The following LONRF1 variants were observed in gnomAD, a reference collection of about 807,000 sequenced individuals.
LONRF1 encodes the protein LON peptidase N-terminal domain and RING finger protein 1.
Under a neutral mutation model 85.8 loss-of-function variants are expected in LONRF1, and 37 were observed. The observed-to-expected ratio is 0.43, with a 90% confidence interval of 0.33 to 0.57. The LOEUF is 0.57. LONRF1 is among the 20% of genes least tolerant of loss of function. LONRF1 has a pLI of 0.04. For missense variants in LONRF1, 1,036 were observed against 978.0 expected (o/e 1.06, Z -0.79); for synonymous variants, 517 against 390.1 (o/e 1.33, Z -3.83).
chr8:12,740,521 C>A (rs1798890301), intron 3 of LONRF1, among the ~76,000 whole-genome samples: 1 of 152,042 alleles, frequency 6.6e-6, no homozygotes, highest in Non-Finnish European at 1.5e-5. Context: ...GCGGAGTAAG[C>A]AAAGGTTAGA....
chr8:12,740,819 A>G, intron 3 of LONRF1, 55 bp downstream of exon 3: 1 of 1,554,312 alleles, frequency 6.4e-7, no homozygotes, highest in South Asian at 1.2e-5. Flanking sequence ...TTTTTTTTTA[A>G]ACCTGTCTGC....
At chr8:12,745,081 C>T (rs1799092111) in intron 1 of LONRF1, among the ~76,000 whole-genome samples, 1 of 151,734 alleles carries the variant, frequency 6.6e-6, no homozygotes, top group East Asian at 1.9e-4. Flanking sequence ...AATGTATCCA[C>T]TCTGACCAAA....
At chr8:12,741,055 T>C in intron 2 of LONRF1, 59 bp from the exon 3 acceptor site, 10 of 1,584,686 alleles carry the variant, frequency 6.3e-6, no homozygotes, top group Admixed American at 5.2e-5. Context: ...TAAAAAATCA[T>C]TATCAAGTAA....
chr8:12,742,923 A>C (rs1188493147), intron 2 of LONRF1, among the ~76,000 whole-genome samples: 1 of 152,114 alleles, frequency 6.6e-6, no homozygotes, highest in Non-Finnish European at 1.5e-5. Context: ...ATGGGGTTTC[A>C]ACATGTTGCC....
intron 1 of LONRF1, chr8:12,754,192 G>A (rs2128791625): frequency 6.6e-6 from 1 of 152,568 alleles, no homozygotes; most frequent in Non-Finnish European, 1.5e-5. Context: ...TTGTCCCGGT[G>A]ACTTTTGTGG....
chr8:12,735,226 G>C (rs756543046), intron 7 of LONRF1, 60 bp downstream of exon 7: 27 of 1,106,046 alleles, frequency 2.4e-5, no homozygotes, highest in African/African-American at 1.4e-4. Flanking sequence ...TGGCTGAACA[G>C]AAATTAAACC....
chr8:12,745,095 A>G (rs1055551052), intron 1 of LONRF1, among the ~76,000 whole-genome samples: 1 of 152,118 alleles, frequency 6.6e-6, no homozygotes, highest in African/African-American at 2.4e-5. Context: ...GACCAAAGCA[A>G]AAAAAGACAT....
chr8:12,742,159 C>T (rs540368357), intron 2 of LONRF1, among the ~76,000 whole-genome samples: 1 of 152,196 alleles, frequency 6.6e-6, no homozygotes, highest in South Asian at 2.1e-4. Flanking sequence ...GACCACTGCC[C>T]TCTTATTCTG....
Position 12,754,730 on chromosome 8 carries a change from G to A in LONRF1, c.691C>T (p.Leu231=), listed in dbSNP as rs1178597351. The change falls in exon 1 of 12, where the codon CTG becomes TTG. Residue 231 remains leucine, a synonymous_variant. Transcript: ENST00000398246. The part of the protein sequence containing the change: ...LLHQGRYREA[L]AAACEALRAE... Reference sequence around the variant, plus strand: ...CGCAGCGCCTCGCAGGCGGCGGCCAGGGCCTCCCGGTAGCGCCCCTGGTGC... The same window carrying A: ...CGCAGCGCCTCGCAGGCGGCGGCCAAGGCCTCCCGGTAGCGCCCCTGGTGC... 1.4e-6 allele frequency: 2 copies of A among 1,420,050 alleles called. No individual in the cohort carries two copies. The highest frequency in any genetic ancestry group is 3.3e-5 in the Admixed American group (1 of 30,108). 88.0% of individuals were successfully genotyped at this position (1,420,050 alleles called of 1,614,324 possible).
intron 10 of LONRF1, among the ~76,000 whole-genome samples, chr8:12,726,654 A>C (rs983336855): frequency 1.3e-5 from 2 of 152,232 alleles, no homozygotes; most frequent in Non-Finnish European, 2.9e-5. Context: ...TTTAATGCAC[A>C]CTTACATCCC....
intron 1 of LONRF1, among the ~76,000 whole-genome samples, chr8:12,748,823 T>G (rs1799266718): frequency 6.8e-6 from 1 of 146,838 alleles, no homozygotes; most frequent in Admixed American, 6.8e-5. Flanking sequence ...TTTTTTTGCT[T>G]CTATTGCTTC....
At chr8:12,745,187 G>C (rs1401688295) in intron 1 of LONRF1, among the ~76,000 whole-genome samples, 6 of 152,004 alleles carry the variant, frequency 3.9e-5, no homozygotes, top group Non-Finnish European at 7.4e-5. Context: ...TATATGTTGG[G>C]GTAAGAAGAG....
At chr8:12,739,421 G>A (rs980646736) in intron 3 of LONRF1, among the ~76,000 whole-genome samples, 5 of 150,438 alleles carry the variant, frequency 3.3e-5, no homozygotes, top group Non-Finnish European at 5.9e-5. Context: ...TCTAGAATAA[G>A]TAACACTACT....
intron 7 of LONRF1, among the ~76,000 whole-genome samples, chr8:12,732,972 G>A (rs1423788296): frequency 3.3e-5 from 5 of 152,128 alleles, no homozygotes; most frequent in Admixed American, 2.0e-4. Flanking sequence ...GAGTAGATGG[G>A]GAAATGCGAG....
intron 6 of LONRF1, among the ~76,000 whole-genome samples, chr8:12,735,997 A>G (rs1021978736): frequency 2.0e-5 from 3 of 152,138 alleles, no homozygotes; most frequent in African/African-American, 7.2e-5. Flanking sequence ...CTGAAACATG[A>G]TAGTTTTGAA....
intron 3 of LONRF1, 91 bp downstream of exon 3, chr8:12,740,783 T>A (rs966815090): frequency 3.4e-6 from 5 of 1,474,534 alleles, no homozygotes; most frequent in African/African-American, 1.4e-5. Flanking sequence ...TTACTACTTA[T>A]GTTCTTATTC....
At chr8:12,751,296 G>GTTTTTTTTTTTTTGTT (rs1799381007) in intron 1 of LONRF1, among the ~76,000 whole-genome samples, 16 of 69,536 alleles carry the variant, frequency 2.3e-4, no homozygotes, top group Non-Finnish European at 3.4e-4. Flanking sequence ...TTATTTTTAT[G>GTTTTTTTTTTTTTGTT]TTTTTTTTTT....
intron 8 of LONRF1, among the ~76,000 whole-genome samples, chr8:12,730,641 T>C (rs564754412): frequency 6.6e-6 from 1 of 152,162 alleles, no homozygotes; most frequent in South Asian, 2.1e-4. Context: ...AAAGCAGAAA[T>C]GCAGTTTTCT....
intron 8 of LONRF1, among the ~76,000 whole-genome samples, chr8:12,730,826 C>T (rs1243633809): frequency 6.6e-6 from 1 of 152,076 alleles, no homozygotes; most frequent in South Asian, 2.1e-4. Context: ...CTGATGGGCA[C>T]ATGTTGATAA....
Sources: gnomAD v4.1 joint callset for allele counts (sites outside exome capture counted in the v4.1 genomes callset) on GRCh38, gnomAD v4.1.1 for gene constraint, MANE v1.5 for transcripts, NCBI Gene and HGNC (gene_info 2026-07-23, HGNC 2026-07-21) for gene names.